Variants in RECQL4 observed in about 807,000 individuals in gnomAD.
RECQL4 encodes the protein RecQ like helicase 4.
RECQL4 carries 158 observed loss-of-function variants against 128.6 expected under a neutral mutation model. That is an observed-to-expected ratio of 1.23 (90% CI 1.08 to 1.40). The LOEUF is 1.40. Among genes scored for constraint, RECQL4 ranks in the 40% most tolerant of loss-of-function variants. The probability of loss-of-function intolerance (pLI) is 0.00; values close to 1 mark genes in which losing one functional copy is unlikely to be tolerated. For synonymous variants in RECQL4, 996 were observed against 678.9 expected, an observed-to-expected ratio of 1.47 and a Z score of -7.26; for missense variants, 2,293 against 1,649.8, an observed-to-expected ratio of 1.39 and a Z score of -6.75.
Position 144,516,454 on chromosome 8 carries a change from G to T in RECQL4, c.665C>A (p.Pro222His). The T allele has an allele frequency of 6.2e-7, 1 of 1,608,638 alleles. No individual in the cohort carries two copies. ...LGSEESQLLIPGESAVLGPGA... is the reference protein window; with the variant it reads ...LGSEESQLLIHGESAVLGPGA... The stretch of plus-strand genomic sequence containing the variant: ...AGGACCAAGGACAGCCGACTCACCA[G>T]GGATCAGAAGTTGTGATTCCTCTGA... Residue 222 changes from proline (P) to histidine (H), a missense_variant, in exon 5 of 21, where the codon CCT becomes CAT. Transcript: ENST00000617875.
intron 9 of RECQL4, 72 bp downstream of exon 9, chr8:144,514,864 A>G: frequency 6.4e-7 from 1 of 1,556,460 alleles, no homozygotes; most frequent in Non-Finnish European, 8.8e-7. Flanking sequence ...GGGGACAAGC[A>G]GCAGTTGCCC....
chr8:144,512,428 G>C lies in RECQL4; in HGVS notation c.3019C>G (p.Leu1007Val). ...TCGTGGTCCCACTGCAGCTGGCAGA[G>C]AGCCCGCCGCACAGAGGCCAGCTCC... ...GWELASVRRALCQLQWDHEPR... is the reference protein window; with the variant it reads ...GWELASVRRAVCQLQWDHEPR... The change falls in exon 17 of 21, where the codon CTC becomes GTC. Residue 1007 changes from leucine (L) to valine (V), a missense_variant. Leu to Val is a conservative substitution (Grantham distance 32, BLOSUM62 1). Coordinates refer to ENST00000617875, the MANE Select transcript of RECQL4 (RefSeq NM_004260.4). 2 of 1,608,792 alleles carry C rather than the reference G, an allele frequency of 1.2e-6. No individual in the cohort carries two copies. Among genetic ancestry groups the C allele is most frequent in the Non-Finnish European group, 1.7e-6 (2 of 1,177,302 alleles).
Position 144,516,302 on chromosome 8 carries a change from C to T in RECQL4, c.817G>A (p.Ala273Thr), listed in dbSNP as rs34103564. ...RWNEEPWESPAQVQQESSQAG... is the reference protein window; with the variant it reads ...RWNEEPWESPTQVQQESSQAG... ...TGGCTGCTCTCCTGCTGGACCTGTG[C>T]GGGGCTCTCCCAGGGCTCCTCGTTC... is the stretch of plus-strand genomic sequence containing the variant. Residue 273 changes from alanine to threonine, a missense_variant, in exon 5 of 21, where the codon GCA becomes ACA. Coordinates refer to ENST00000617875, the MANE Select transcript of RECQL4 (RefSeq NM_004260.4). 1.9e-4 allele frequency: 311 copies of T among 1,609,868 alleles called. No individual in the cohort carries two copies. The highest frequency in any genetic ancestry group is 1.6e-3 in the African/African-American group (119 of 75,038).
chr8:144,517,003 A>C (rs749824486), intron 4 of RECQL4, 47 bp downstream of exon 4: 80 of 1,572,620 alleles, frequency 5.1e-5, no homozygotes, highest in Admixed American at 1.1e-4. Flanking sequence ...CCCGGACCGG[A>C]AGCAGCTGTG....
At position 144,515,694 on chromosome 8, in the gene RECQL4, G is replaced by A. The variant is rs1828059124; in HGVS notation, c.1258+70C>T. The A allele has an allele frequency of 4.5e-6, 7 of 1,566,240 alleles. 1 individual carries two copies. In the Admixed American group the frequency reaches 7.1e-5, roughly 16 times the overall value. On this transcript the variant is annotated intron_variant, in intron 6 of 20. Transcript: ENST00000617875. ...AAGGCCTGTTGCTTGGAACATAAGT[G>A]TCCCCCAAAAGAGCACTGCGCCCTC...
chr8:144,515,588 C>T, intron 6 of RECQL4, 131 bp from the exon 7 acceptor site: 1 of 1,502,190 alleles, frequency 6.7e-7, no homozygotes, highest in Non-Finnish European at 9.1e-7. Context: ...TTTTCCAAAG[C>T]AGAAAAGAGT....
rs545790682 is a variant in RECQL4, at chr8:144,514,837, A to G, written c.1620+99T>C. Reference sequence around the variant, plus strand: ...AGGCCACAGACACCTTGAAGCTCCCAGGGGAGGGGGTGGTTAGGGGACAAG... The same window carrying G: ...AGGCCACAGACACCTTGAAGCTCCCGGGGGAGGGGGTGGTTAGGGGACAAG... On this transcript the variant is annotated intron_variant, in intron 9 of 20. Coordinates refer to ENST00000617875, the MANE Select transcript of RECQL4 (RefSeq NM_004260.4). 3.5e-5 allele frequency: 51 copies of G among 1,442,674 alleles called. No individual in the cohort carries two copies. The African/African-American group carries it at 6.3e-4, about 18-fold the overall frequency. 89.4% of individuals were successfully genotyped at this position (1,442,674 alleles called of 1,614,324 possible). A position where few individuals can be genotyped will look rare whatever the true frequency, so the allele number is the denominator to read the frequency against.
intron 5 of RECQL4, 37 bp downstream of exon 5, chr8:144,515,951 G>A (rs745329600): frequency 6.2e-7 from 1 of 1,611,930 alleles, no homozygotes; most frequent in Non-Finnish European, 8.5e-7. Flanking sequence ...TGAGGGGAGG[G>A]AAAGGGAATG....
chr8:144,516,023 C>A lies in RECQL4; in HGVS notation c.1096G>T (p.Gly366Cys), dbSNP rs763114749. ...AGGAGCCTGCTACGGAGTGCCCGGC[C>A]CCGCACGTAGTGTTTCTGCTTCATG... ...LNMKQKHYVR[G>C]RALRSRLLRK... is the part of the protein sequence containing the mutation. Residue 366 changes from glycine to cysteine, a missense_variant, in exon 5 of 21, where the codon GGC (glycine) becomes TGC (cysteine). Transcript: ENST00000617875. The A allele has an allele frequency of 6.2e-7, 1 of 1,611,262 alleles. No homozygotes were observed. The highest frequency in any genetic ancestry group is 1.7e-5 in the Admixed American group (1 of 60,000).
rs908693736 is a variant in RECQL4 at position 144,511,671 on chromosome 8, C to T, written c.3502+10G>A. 6 of 1,611,742 alleles carry T rather than the reference C, an allele frequency of 3.7e-6. No homozygotes were observed. The Admixed American group carries it at 6.7e-5, about 18-fold the overall frequency. On this transcript the variant is annotated intron_variant, in intron 20 of 20. Transcript: ENST00000617875. The stretch of plus-strand genomic sequence containing the variant: ...CCAGCCTGCAGCGGGTGGGGCCTCC[C>T]AGGCCTCACCGATGCCGTGGAAGAT...
In RECQL4 at chr8:144,516,711, C is replaced by T. The variant is rs1815093098; in HGVS notation, c.408G>A (p.Lys136=). Residue 136 remains lysine (K), a synonymous_variant, in exon 5 of 21, where the codon AAG becomes AAA. Coordinates refer to ENST00000617875, the MANE Select transcript of RECQL4 (RefSeq NM_004260.4). ...RPWPLGRASS[K]ASTPKPPGTG... ...TACCTGGGGGCTTTGGGGTGGATGC[C>T]TTAGATGAGGCTCTTCCTAGAGGCC... The T allele has an allele frequency of 1.3e-6, 2 of 1,546,388 alleles. No homozygotes were observed. Among genetic ancestry groups the T allele is most frequent in the Non-Finnish European group, 8.7e-7 (1 of 1,148,878 alleles).
In RECQL4 at chr8:144,512,377, T is replaced by C. The variant is rs1325875335; in HGVS notation, c.3055+15A>G. On this transcript the variant is annotated intron_variant, in intron 17 of 20. Coordinates refer to ENST00000617875, the MANE Select transcript of RECQL4 (RefSeq NM_004260.4). ...AGGCAGCGTCCAGGGCGGTGTGGGG[T>C]GGGGAGAGGCGCACCTGTCCTGGGC... is the stretch of plus-strand genomic sequence containing the variant. The C allele has an allele frequency of 3.7e-6, 6 of 1,607,762 alleles. No homozygotes were observed. Among genetic ancestry groups the C allele is most frequent in the Non-Finnish European group, 4.2e-6 (5 of 1,176,564 alleles).
intron 4 of RECQL4, 51 bp from the exon 5 acceptor site, chr8:144,516,815 T>C (rs1815129773): frequency 2.7e-6 from 4 of 1,494,188 alleles, no homozygotes; most frequent in East Asian, 2.3e-5. Context: ...CCTGAGCTAC[T>C]GTAGACTCTA....
At chr8:144,515,918 C>A (rs1380296489) in intron 5 of RECQL4, 28 bp from the exon 6 acceptor site, 1 of 1,612,634 alleles carries the variant, frequency 6.2e-7, no homozygotes, top group African/African-American at 1.3e-5. Flanking sequence ...AGGAGGGTCA[C>A]TGGGCGGGAA....
At position 144,511,485 on chromosome 8, in the gene RECQL4, G is replaced by A. The variant is rs199885535; in HGVS notation, c.3573C>T (p.Ser1191=). The A allele has an allele frequency of 1.1e-4, 182 of 1,612,618 alleles. No homozygotes were observed. Among genetic ancestry groups the A allele is most frequent in the Admixed American group, 1.8e-4 (11 of 60,028 alleles). The change falls in exon 21 of 21, where the codon AGC becomes AGT. Residue 1191 remains serine (S), a synonymous_variant. Coordinates refer to ENST00000617875, the MANE Select transcript of RECQL4 (RefSeq NM_004260.4). The part of the protein sequence containing the change: ...RRFWRKYLHL[S]FHALVGLATE... Reference sequence around the variant, plus strand: ...TGGCCAGGCCCACCAGGGCATGGAAGCTCAGGTGCAGGTATTTTCTCCAGA... The same window carrying A: ...TGGCCAGGCCCACCAGGGCATGGAAACTCAGGTGCAGGTATTTTCTCCAGA...
Position 144,511,793 on chromosome 8 carries a change from T to G in RECQL4, c.3394-4A>C. The G allele has an allele frequency of 6.2e-7, 1 of 1,612,408 alleles. No individual in the cohort carries two copies. Among genetic ancestry groups the G allele is most frequent in the South Asian group, 1.1e-5 (1 of 91,086 alleles). On this transcript the variant is annotated splice_region_variant and splice_polypyrimidine_tract_variant and intron_variant, in intron 19 of 20. Transcript: ENST00000617875. ...CCTGGTCCTCCCAATCCTGGAGCTG[T>G]GTGGACAGGCACATCAGGCTTCCTC...
At chr8:144,513,533 G>T (rs369136387) in intron 13 of RECQL4, 38 bp downstream of exon 13, 129 of 1,610,808 alleles carry the variant, frequency 8.0e-5, no homozygotes, top group Non-Finnish European at 1.0e-4. Context: ...TGTGCCCAAG[G>T]TGGGTCCACG....
rs1314154956 is a variant in RECQL4 at position 144,514,551 on chromosome 8, C to T, written c.1621-26G>A. ...CTGCAAATGCAGGAGCGACAGCCGTCATACGCCAGCCCAGCCCTGGCCCTT... is the reference window on the plus strand; with the variant it reads ...CTGCAAATGCAGGAGCGACAGCCGTTATACGCCAGCCCAGCCCTGGCCCTT... On this transcript the variant is annotated intron_variant, in intron 9 of 20. Coordinates refer to ENST00000617875, the MANE Select transcript of RECQL4 (RefSeq NM_004260.4). 5 of 1,602,716 alleles carry T rather than the reference C, an allele frequency of 3.1e-6. No homozygotes were observed. The South Asian group carries it at 4.5e-5, about 14-fold the overall frequency.
rs1827916750 is a variant in RECQL4, at chr8:144,514,839, G to A, written c.1620+97C>T. Reference sequence around the variant, plus strand: ...GCCACAGACACCTTGAAGCTCCCAGGGGAGGGGGTGGTTAGGGGACAAGCA... The same window carrying A: ...GCCACAGACACCTTGAAGCTCCCAGAGGAGGGGGTGGTTAGGGGACAAGCA... On this transcript the variant is annotated intron_variant, in intron 9 of 20. Transcript: ENST00000617875. The A allele has an allele frequency of 2.8e-5, 41 of 1,453,050 alleles. 1 individual carries two copies. The South Asian group carries it at 4.6e-4, about 16-fold the overall frequency. The allele number at this position is 1,453,050 out of a possible 1,614,324, so 90.0% of individuals were successfully genotyped here. A position where few individuals can be genotyped will look rare whatever the true frequency, so the allele number is the denominator to read the frequency against.
Sources: allele counts gnomAD v4.1 joint callset, GRCh38; gene constraint gnomAD v4.1.1; transcripts MANE v1.5; gene names NCBI Gene and HGNC (gene_info 2026-07-23, HGNC 2026-07-21).